The following EVC2 variants were observed in gnomAD, a reference collection of about 807,000 sequenced individuals.
The protein encoded by EVC2 is limbin.
EVC2 carries 148 observed loss-of-function variants against 149.3 expected under a neutral mutation model. That is an observed-to-expected ratio of 0.99 (90% CI 0.87 to 1.14). The LOEUF is 1.14. Ranked by LOEUF, EVC2 falls within the 50% of genes most tolerant of loss-of-function variation. EVC2 has a pLI of 0.00. For missense variants in EVC2, 1,854 were observed against 1,627.3 expected (o/e 1.14, Z -2.40); for synonymous variants, 776 against 649.9 (o/e 1.19, Z -2.95).
intron 6 of EVC2, among the ~76,000 whole-genome samples, 200 bp downstream of exon 6, chr4:5,685,170 G>C (rs546613868): frequency 6.6e-6 from 1 of 152,286 alleles, no homozygotes; most frequent in Admixed American, 6.5e-5. Flanking sequence ...AAGTAACTTA[G>C]GCAAAGTCAC....
At chr4:5,584,981 A>T in intron 16 of EVC2, 131 bp from the exon 17 acceptor site, 2 of 958,280 alleles carry the variant, frequency 2.1e-6, no homozygotes, top group Non-Finnish European at 3.3e-6. Context: ...ATGGAGACGC[A>T]CTGGGAACCT....
chr4:5,551,102 G>C (rs1028431683), intron 21 of EVC2, among the ~76,000 whole-genome samples: 6 of 152,234 alleles, frequency 3.9e-5, no homozygotes, highest in African/African-American at 1.4e-4. Context: ...GAAAATGTGG[G>C]GTTGGAGCAC....
At chr4:5,701,757 C>T (rs951357059) in intron 1 of EVC2, among the ~76,000 whole-genome samples, 2 of 152,230 alleles carry the variant, frequency 1.3e-5, no homozygotes, top group Non-Finnish European at 2.9e-5. Flanking sequence ...CAACCTGAGG[C>T]TGCTGCACAT....
chr4:5,631,826 A>C lies in EVC2; in HGVS notation c.1677T>G (p.Ala559=), dbSNP rs761646676. 1 of 1,613,996 alleles carries C rather than the reference A, an allele frequency of 6.2e-7. No individual in the cohort carries two copies. The highest frequency in any genetic ancestry group is 1.7e-5 in the Admixed American group (1 of 60,008). ...TAGAATAATTTTGCAGCAGCATTTT[A>C]GCTGCCTCTGGTTTCAATTCCCCTT... ...IFKGELKPEA[A]KMLLQNYSKI... The change falls in exon 11 of 22, where the codon GCT becomes GCG. Residue 559 remains alanine, a synonymous_variant. Coordinates refer to ENST00000344408, the MANE Select transcript of EVC2 (RefSeq NM_147127.5).
chr4:5,652,266 A>G lies in EVC2; in HGVS notation c.1145+10841T>C, dbSNP rs146308589. On this transcript the variant is annotated intron_variant, in intron 9 of 21. Transcript: ENST00000344408. The stretch of plus-strand genomic sequence containing the variant: ...GAGAGGGAAGTCCCACGCAGGGACC[A>G]GTGTGGAGGTGAGGAGAGGCTGCGT... Among the ~76,000 whole-genome samples the G allele has an allele frequency of 3.5e-3, 527 of 152,324 alleles. 2 individuals carry two copies. Among genetic ancestry groups the G allele is most frequent in the Non-Finnish European group, 6.2e-3 (422 of 68,030 alleles).
At chr4:5,538,616 A>G (rs1451842191), downstream of EVC2, among the ~76,000 whole-genome samples, 3 of 152,176 alleles carry the variant, frequency 2.0e-5, no homozygotes, top group Non-Finnish European at 4.4e-5. Flanking sequence ...AAAAAAGAAT[A>G]GTATATCATG....
chr4:5,636,726 C>G lies in EVC2; in HGVS notation c.1470+3788G>C, dbSNP rs1305935393. Reference sequence around the variant, plus strand: ...GGAGGGATGACTGTACTGTACTAAACTTTACTCAGGAAAGCTGATACTGCT... The same window carrying G: ...GGAGGGATGACTGTACTGTACTAAAGTTTACTCAGGAAAGCTGATACTGCT... On this transcript the variant is annotated intron_variant, in intron 10 of 21. Coordinates refer to ENST00000344408, the MANE Select transcript of EVC2 (RefSeq NM_147127.5). This position sits in a 1 kb window ranked among gnomAD's most constrained non-coding sequence, Gnocchi z 4.6. Among the ~76,000 whole-genome samples the G allele has an allele frequency of 6.6e-6, 1 of 152,038 alleles. No individual in the cohort carries two copies. The highest frequency in any genetic ancestry group is 1.5e-5 in the Non-Finnish European group (1 of 68,004).
chr4:5,546,998 C>T (rs1003570455), intron 21 of EVC2, among the ~76,000 whole-genome samples: 2 of 152,206 alleles, frequency 1.3e-5, no homozygotes, highest in African/African-American at 2.4e-5. Flanking sequence ...AGGAGCCCCA[C>T]CCCTGTGGCC....
At chr4:5,664,295 A>G (rs1051039208) in intron 8 of EVC2, among the ~76,000 whole-genome samples, 4 of 152,164 alleles carry the variant, frequency 2.6e-5, no homozygotes, top group African/African-American at 9.7e-5. Context: ...AGAGCAGACC[A>G]CTGACCACCA....
chr4:5,532,301 G>A, the EVC2 span, among the ~76,000 whole-genome samples: 1 of 152,100 alleles, frequency 6.6e-6, no homozygotes, highest in Admixed American at 6.5e-5. Flanking sequence ...TCAACTGATT[G>A]GACGAGGCCC....
At position 5,625,457 on chromosome 4, in the gene EVC2, C is replaced by A. The variant is rs1253107414; in HGVS notation, c.2046+292G>T. The stretch of plus-strand genomic sequence containing the variant: ...AGCAGCCAATAAATGTTAGCACCTA[C>A]CATCATCATTAGTCACTCAAACCAG... On this transcript the variant is annotated intron_variant, in intron 13 of 21. Transcript: ENST00000344408. This position sits in a 1 kb window ranked among gnomAD's most constrained non-coding sequence, Gnocchi z 4.0. 6.6e-6 allele frequency among the ~76,000 whole-genome samples: 1 copy of A among 152,202 alleles called. No individual in the cohort carries two copies. The highest frequency in any genetic ancestry group is 2.4e-5 in the African/African-American group (1 of 41,448).
downstream of EVC2, among the ~76,000 whole-genome samples, chr4:5,539,993 T>C (rs1477036242): frequency 5.3e-5 from 8 of 152,240 alleles, no homozygotes; most frequent in Admixed American, 5.2e-4. Context: ...ACAAAGACAT[T>C]GTATCTAGAA....
Position 5,625,616 on chromosome 4 carries a change from G to T in EVC2, c.2046+133C>A. The T allele has an allele frequency of 8.6e-7, 1 of 1,157,166 alleles. No individual in the cohort carries two copies. Among genetic ancestry groups the T allele is most frequent in the Non-Finnish European group, 1.2e-6 (1 of 802,458 alleles). 71.7% of individuals were successfully genotyped at this position (1,157,166 alleles called of 1,614,324 possible). A position where few individuals can be genotyped will look rare whatever the true frequency, so the allele number is the denominator to read the frequency against. ...AGTCGCTACCAATCAACAGTAGATG[G>T]CACATCATGGTGCCTGCCCAGCTGC... On this transcript the variant is annotated intron_variant, in intron 13 of 21. Coordinates refer to ENST00000344408, the MANE Select transcript of EVC2 (RefSeq NM_147127.5). The surrounding 1 kb of genome is among the most constrained non-coding windows in gnomAD (Gnocchi z 4.0).
At position 5,607,045 on chromosome 4, in the gene EVC2, A is replaced by G. The variant is rs73061778; in HGVS notation, c.2829+8377T>C. ...TTTTATGCCAGCATTGAATAATCTA[A>G]AACATATAATCAAATCATTCACAAT... is the stretch of plus-strand genomic sequence containing the variant. On this transcript the variant is annotated intron_variant, in intron 16 of 21. Coordinates refer to ENST00000344408, the MANE Select transcript of EVC2 (RefSeq NM_147127.5). 2.7e-3 allele frequency among the ~76,000 whole-genome samples: 405 copies of G among 152,288 alleles called. 2 individuals are homozygous for G. The highest frequency in any genetic ancestry group is 8.0e-3 in the African/African-American group (333 of 41,566).
chr4:5,618,430 G>A lies in EVC2; in HGVS notation c.2706+48C>T, dbSNP rs113784465. ...GCCAGACCCTGTAGGGCCAGCAGCTGGGAGACGGCCCTGCTTCTGTAATCG... is the reference window on the plus strand; with the variant it reads ...GCCAGACCCTGTAGGGCCAGCAGCTAGGAGACGGCCCTGCTTCTGTAATCG... On this transcript the variant is annotated intron_variant, in intron 15 of 21. Coordinates refer to ENST00000344408, the MANE Select transcript of EVC2 (RefSeq NM_147127.5). This position sits in a 1 kb window ranked among gnomAD's most constrained non-coding sequence, Gnocchi z 4.4. The A allele has an allele frequency of 5.0e-6, 8 of 1,605,998 alleles. No homozygotes were observed. The highest frequency in any genetic ancestry group is 4.0e-5 in the African/African-American group (3 of 74,882).
At chr4:5,676,775 G>A (rs905974399) in intron 7 of EVC2, among the ~76,000 whole-genome samples, 47 of 152,296 alleles carry the variant, frequency 3.1e-4, no homozygotes, top group African/African-American at 9.9e-4. Context: ...TGCTGTCAGT[G>A]TCCATGGTAC....
upstream of EVC2, chr4:5,709,473 C>T (rs1577286918): frequency 6.6e-6 from 1 of 152,224 alleles, no homozygotes; most frequent in African/African-American, 2.4e-5. Context: ...CCCCATAACC[C>T]AGACCATCCA....
intron 1 of EVC2, among the ~76,000 whole-genome samples, chr4:5,703,430 A>C (rs1721953600): frequency 6.6e-6 from 1 of 152,210 alleles, no homozygotes; most frequent in Non-Finnish European, 1.5e-5. Context: ...CATCCCCAGG[A>C]GCTGCACAGA....
At chr4:5,596,526 A>G (rs1713435674) in intron 16 of EVC2, among the ~76,000 whole-genome samples, 1 of 152,228 alleles carries the variant, frequency 6.6e-6, no homozygotes, top group Non-Finnish European at 1.5e-5. Context: ...ACCAACGAGA[A>G]CAAAGACACA....
Sources: gnomAD v4.1 joint callset for allele counts (sites outside exome capture counted in the v4.1 genomes callset) on GRCh38, gnomAD v4.1.1 for gene constraint, Gnocchi (gnomAD v3.1) non-coding constraint, MANE v1.5 for transcripts, NCBI Gene and HGNC (gene_info 2026-07-23, HGNC 2026-07-21) for gene names.